The following FBN3 variants were observed in gnomAD, a reference collection of about 807,000 sequenced individuals.
FBN3 encodes fibrillin-3.
In FBN3, 234 loss-of-function variants were observed where a neutral mutation model predicts 330.1. The observed-to-expected ratio is 0.71, with a 90% CI of 0.64 to 0.79. The LOEUF (loss-of-function observed/expected upper bound fraction) is 0.79, where lower values mean the gene tolerates loss of function less well. FBN3 is among the 30% of genes least tolerant of loss of function. The pLI, the probability that FBN3 is intolerant of heterozygous loss-of-function variation, is 0.00. For missense variants in FBN3, 3,606 were observed against 3,886.9 expected (o/e 0.93, Z 1.92); for synonymous variants, 1,458 against 1,517.3 (o/e 0.96, Z 0.91).
intron 41 of FBN3, among the ~76,000 whole-genome samples, chr19:8,099,260 TA>T: frequency 6.6e-6 from 1 of 151,366 alleles, no homozygotes; most frequent in African/African-American, 2.4e-5. Context: ...AAGTGGGTTT[TA>T]TTTGTCATGG....
At chr19:8,125,557 G>A (rs964335189) in intron 22 of FBN3, among the ~76,000 whole-genome samples, 3 of 152,224 alleles carry the variant, frequency 2.0e-5, no homozygotes, top group South Asian at 2.1e-4. Context: ...TTGGGAGGCC[G>A]AGGCGGGCAG....
At chr19:8,078,253 G>A (rs545330816) in intron 59 of FBN3, among the ~76,000 whole-genome samples, 4 of 152,240 alleles carry the variant, frequency 2.6e-5, no homozygotes, top group Admixed American at 6.5e-5. Context: ...ACTGTCTGTT[G>A]TATCAATAAA....
chr19:8,139,965 G>A (rs560505719), intron 8 of FBN3, among the ~76,000 whole-genome samples: 52 of 151,968 alleles, frequency 3.4e-4, no homozygotes, highest in African/African-American at 6.5e-4. Flanking sequence ...CCCCAGGTAC[G>A]TGCGTGGGAG....
At chr19:8,094,042 A>G (rs1384070988) in intron 47 of FBN3, among the ~76,000 whole-genome samples, 1 of 152,162 alleles carries the variant, frequency 6.6e-6, no homozygotes, top group East Asian at 1.9e-4. Context: ...GGCTAGTCCA[A>G]GTGGATAAAT....
intron 56 of FBN3, 120 bp downstream of exon 56, chr19:8,085,243 A>ACACACG: frequency 1.2e-6 from 1 of 803,158 alleles, no homozygotes; most frequent in Non-Finnish European, 2.0e-6. Context: ...ACACACACAC[A>ACACACG]CACACACACA....
At chr19:8,117,899 C>T (rs1396489545) in intron 26 of FBN3, among the ~76,000 whole-genome samples, 1 of 152,036 alleles carries the variant, frequency 6.6e-6, no homozygotes, top group African/African-American at 2.4e-5. Flanking sequence ...GATACACACT[C>T]ACACTCAAGT....
intron 10 of FBN3, among the ~76,000 whole-genome samples, chr19:8,136,989 G>GGGCCTGGATCCCTCCAACCTGA (rs2083298975): frequency 7.6e-6 from 1 of 132,252 alleles, no homozygotes; most frequent in Non-Finnish European, 1.7e-5. Context: ...CTCCAACCTG[G>GGGCCTGGATCCCTCCAACCTGA]GGCCTGGATC....
rs1316583053 is a variant in FBN3, at chr19:8,085,450, GC to G, written c.6999del (p.Arg2335AlafsTer30). ...ECCCGGGRGW[G>X]PRCELCPLPG... is the part of the protein sequence containing the mutation. ...GGCAGGGGACAGAGCTCGCAGCGGGGCCCCCAGCCCCGGCCACCCCCACAGC... is the reference window on the plus strand; with the variant it reads ...GGCAGGGGACAGAGCTCGCAGCGGGGCCCCAGCCCCGGCCACCCCCACAGC... On this transcript the variant is annotated frameshift_variant, in exon 56 of 64. Coordinates refer to ENST00000600128, the MANE Select transcript of FBN3 (RefSeq NM_032447.5). LOFTEE classifies it high-confidence loss of function. 5 of 1,574,240 alleles carry G rather than the reference GC, an allele frequency of 3.2e-6. No homozygotes were observed. The highest frequency in any genetic ancestry group is 3.8e-5 in the Admixed American group (2 of 52,836).
At chr19:8,123,183 A>G (rs1372684674) in intron 24 of FBN3, among the ~76,000 whole-genome samples, 1 of 151,880 alleles carries the variant, frequency 6.6e-6, no homozygotes, top group East Asian at 2.0e-4. Flanking sequence ...GAGAAACACT[A>G]TCACTACTGA....
chr19:8,084,471 A>G (rs1345664577), intron 56 of FBN3, among the ~76,000 whole-genome samples: 2 of 151,940 alleles, frequency 1.3e-5, no homozygotes, highest in Admixed American at 1.3e-4. Flanking sequence ...CAGGAGTTCG[A>G]GACCAGCCTG....
At chr19:8,130,185 A>C (rs999877689) in intron 16 of FBN3, among the ~76,000 whole-genome samples, 7 of 151,760 alleles carry the variant, frequency 4.6e-5, no homozygotes, top group Admixed American at 1.3e-4. Context: ...GGCGTGAGCC[A>C]CCGCATCTGG....
At chr19:8,135,936 G>GGGGGGGGGGGGGGCGCCC in intron 13 of FBN3, 25 bp downstream of exon 13, 1 of 668,774 alleles carries the variant, frequency 1.5e-6, no homozygotes, top group Non-Finnish European at 2.4e-6. Context: ...GGAAGCCCCT[G>GGGGGGGGGGGGGGCGCCC]CCCACCCGCC....
At position 8,117,346 on chromosome 19, in the gene FBN3, G is replaced by A. The variant is rs541340329; in HGVS notation, c.3464-55C>T. 3.3e-6 allele frequency: 5 copies of A among 1,534,800 alleles called. No individual in the cohort carries two copies. In the East Asian group the frequency reaches 9.8e-5, roughly 30 times the overall value. On this transcript the variant is annotated intron_variant, in intron 27 of 63. Transcript: ENST00000600128. ...GGCTGGGGGGAGGGGTCCAGGATGG[G>A]GAGGGGGCTGGTTTGGGGGTGGGAG...
intron 13 of FBN3, 42 bp from the exon 14 acceptor site, chr19:8,133,148 C>T (rs1290857118): frequency 6.6e-7 from 1 of 1,526,586 alleles, no homozygotes; most frequent in South Asian, 1.2e-5. Flanking sequence ...AGGGACCACA[C>T]TGGGACCCTC....
In FBN3 at chr19:8,135,973, T is replaced by G; in HGVS notation, c.1579A>C (p.Lys527Gln). The change falls in exon 13 of 64, where the codon AAG becomes CAG. Residue 527 changes from lysine (K) to glutamine (Q), a missense_variant. Lys to Gln is a moderately conservative substitution (Grantham distance 53). Transcript: ENST00000600128. ...ACCCCCAACTCACCCACACAGTTCT[T>G]GCCGTCAGGGCTGAGCTCGAAGCCT... ...NAGFELSPDG[K>Q]NCVDHNECAT... The G allele has an allele frequency of 5.5e-6, 5 of 909,178 alleles. No individual in the cohort carries two copies. Among genetic ancestry groups the G allele is most frequent in the Non-Finnish European group, 7.7e-6 (5 of 652,110 alleles). 56.3% of individuals were successfully genotyped at this position (909,178 alleles called of 1,614,324 possible).
chr19:8,098,295 G>A (rs2058748298), intron 41 of FBN3, among the ~76,000 whole-genome samples: 2 of 152,016 alleles, frequency 1.3e-5, no homozygotes, highest in Non-Finnish European at 2.9e-5. Flanking sequence ...ATCAGTAGGG[G>A]ACTGGAAACA....
Position 8,096,716 on chromosome 19 carries a change from G to C in FBN3, c.5414-147C>G. The C allele has an allele frequency of 7.6e-7, 1 of 1,311,930 alleles. No individual in the cohort carries two copies. The highest frequency in any genetic ancestry group is 1.0e-6 in the Non-Finnish European group (1 of 953,050). 81.3% of individuals were successfully genotyped at this position (1,311,930 alleles called of 1,614,324 possible). A position where few individuals can be genotyped will look rare whatever the true frequency, so the allele number is the denominator to read the frequency against. On this transcript the variant is annotated intron_variant, in intron 43 of 63. Coordinates refer to ENST00000600128, the MANE Select transcript of FBN3 (RefSeq NM_032447.5). The surrounding 1 kb of genome is among the most constrained non-coding windows in gnomAD (Gnocchi z 4.6). ...GGCGTCAGGCTGTCTGCATGGACCT[G>C]AGCTCTCACCTCTATCACATCCTAT... is the stretch of plus-strand genomic sequence containing the variant.
chr19:8,112,730 C>T (rs2082619248), intron 30 of FBN3, among the ~76,000 whole-genome samples: 1 of 152,198 alleles, frequency 6.6e-6, no homozygotes, highest in Non-Finnish European at 1.5e-5. Flanking sequence ...TTTCCCTGTC[C>T]ACCAGCATTT....
At chr19:8,119,135 C>T (rs982121847) in intron 25 of FBN3, 113 bp from the exon 26 acceptor site, 15 of 1,300,836 alleles carry the variant, frequency 1.2e-5, no homozygotes, top group African/African-American at 4.4e-5. Context: ...TTCACCCCAG[C>T]GGGAGCCAGG....
Sources: gnomAD v4.1 joint callset for allele counts (sites outside exome capture counted in the v4.1 genomes callset) on GRCh38, gnomAD v4.1.1 for gene constraint, Gnocchi (gnomAD v3.1) non-coding constraint, MANE v1.5 for transcripts, NCBI Gene and HGNC (gene_info 2026-07-23, HGNC 2026-07-21) for gene names.